The following ZNF521 variants were observed in gnomAD, a reference collection of about 807,000 sequenced individuals.
ZNF521 encodes zinc finger protein 521, also known as LYST-interacting protein 3.
Under a neutral mutation model 105.5 loss-of-function variants are expected in ZNF521, and 14 were observed. That is an observed-to-expected ratio of 0.13 (90% CI 0.09 to 0.21). The LOEUF is 0.21. Among genes scored for constraint, ZNF521 ranks in the 10% least tolerant of loss-of-function variants. The pLI is 1.00. For synonymous variants in ZNF521, 635 were observed against 606.0 expected, an observed-to-expected ratio of 1.05 and a Z score of -0.70; for missense variants, 1,233 against 1,629.7, an observed-to-expected ratio of 0.76 and a Z score of 4.19.
At chr18:25,116,902 T>TAC (rs1157129183) in intron 5 of ZNF521, among the ~76,000 whole-genome samples, 2 of 142,482 alleles carry the variant, frequency 1.4e-5, no homozygotes, top group Non-Finnish European at 3.0e-5. Flanking sequence ...TATATATATG[T>TAC]GTATATATAC....
intron 3 of ZNF521, among the ~76,000 whole-genome samples, chr18:25,251,598 C>T (rs1271639490): frequency 6.6e-6 from 1 of 152,134 alleles, no homozygotes; most frequent in Non-Finnish European, 1.5e-5. Context: ...CATCCATATA[C>T]AGAAATCATA....
chr18:25,234,987 TAAAC>T (rs1906788534), intron 3 of ZNF521, among the ~76,000 whole-genome samples: 1 of 152,056 alleles, frequency 6.6e-6, no homozygotes, highest in South Asian at 2.1e-4. Flanking sequence ...TAAATAAAAA[TAAAC>T]AAACAAAAAT....
rs548707470 is a variant in ZNF521 at position 25,200,180 on chromosome 18, AAAGGAGGTTTTCCATATAATT to A, written c.3574-4957_3574-4937del. ...ACAATTACATTTTAGGTGCATTTCAAAAGGAGGTTTTCCATATAATTAAGTAGTGCTTTGGTCTTTGACAAT... is the reference window on the plus strand; with the variant it reads ...ACAATTACATTTTAGGTGCATTTCAAAAGTAGTGCTTTGGTCTTTGACAAT... On this transcript the variant is annotated intron_variant, in intron 4 of 7. Transcript: ENST00000361524. Among the ~76,000 whole-genome samples, 100 of 152,250 alleles carry A rather than the reference AAAGGAGGTTTTCCATATAATT, an allele frequency of 6.6e-4. 3 individuals carry two copies. The South Asian group carries it at 0.02, about 31-fold the overall frequency.
chr18:25,089,599 G>C lies in ZNF521; in HGVS notation c.3791-19C>G, dbSNP rs767574197. 6.3e-7 allele frequency: 1 copy of C among 1,596,158 alleles called. No homozygotes were observed. Among genetic ancestry groups the C allele is most frequent in the Admixed American group, 1.7e-5 (1 of 59,994 alleles). On this transcript the variant is annotated intron_variant, in intron 6 of 7. Coordinates refer to ENST00000361524, the MANE Select transcript of ZNF521 (RefSeq NM_015461.3). ...ACAAATACTGAAATGATAAAAGAAT[G>C]ATGAACTTGGGTTATTTTGTTTCCG...
At chr18:25,114,100 T>C (rs1229618763) in intron 5 of ZNF521, among the ~76,000 whole-genome samples, 1 of 151,900 alleles carries the variant, frequency 6.6e-6, no homozygotes, top group Non-Finnish European at 1.5e-5. Context: ...CTGCTAGAAA[T>C]AGGCAAAAAT....
At chr18:25,156,933 C>T (rs941531529) in intron 5 of ZNF521, among the ~76,000 whole-genome samples, 14 of 152,088 alleles carry the variant, frequency 9.2e-5, no homozygotes, top group African/African-American at 3.4e-4. Flanking sequence ...GCAAAGGTGG[C>T]TCATGCTGTA....
intron 3 of ZNF521, among the ~76,000 whole-genome samples, chr18:25,230,035 TA>T (rs1479262705): frequency 6.6e-6 from 1 of 152,194 alleles, no homozygotes; most frequent in East Asian, 1.9e-4. Context: ...CTATATCTAT[TA>T]TATAACTGTT....
At chr18:25,169,084 T>A (rs1197945224) in intron 5 of ZNF521, among the ~76,000 whole-genome samples, 1 of 152,176 alleles carries the variant, frequency 6.6e-6, no homozygotes, top group Non-Finnish European at 1.5e-5. Context: ...ATGGACAGAA[T>A]ATATACTTTG....
chr18:25,244,026 C>A (rs1907531817), intron 3 of ZNF521, among the ~76,000 whole-genome samples: 2 of 152,124 alleles, frequency 1.3e-5, no homozygotes, highest in Admixed American at 6.5e-5. Flanking sequence ...TTACATGTGA[C>A]ACAGACAAAT....
intron 5 of ZNF521, among the ~76,000 whole-genome samples, chr18:25,107,035 T>C (rs1018016229): frequency 5.9e-5 from 9 of 152,174 alleles, no homozygotes; most frequent in African/African-American, 2.2e-4. Context: ...CCATGCGACA[T>C]GGTGGAGAGG....
intron 3 of ZNF521, among the ~76,000 whole-genome samples, chr18:25,233,762 T>C (rs948821248): frequency 1.3e-5 from 2 of 150,120 alleles, no homozygotes; most frequent in Non-Finnish European, 2.9e-5. Flanking sequence ...AACAAAGAGA[T>C]AAGGAGTTGT....
At chr18:25,101,767 A>G (rs1430779645) in intron 5 of ZNF521, among the ~76,000 whole-genome samples, 1 of 152,128 alleles carries the variant, frequency 6.6e-6, no homozygotes, top group Non-Finnish European at 1.5e-5. Flanking sequence ...TACAGATTTG[A>G]CCCATGTTCA....
At chr18:25,229,854 T>C (rs1026221534) in intron 3 of ZNF521, among the ~76,000 whole-genome samples, 2 of 152,224 alleles carry the variant, frequency 1.3e-5, no homozygotes, top group Admixed American at 6.5e-5. Context: ...GATGTAACTA[T>C]TGAGCTTGAA....
At chr18:25,270,788 G>A (rs1042498057) in intron 3 of ZNF521, among the ~76,000 whole-genome samples, 6 of 151,990 alleles carry the variant, frequency 3.9e-5, no homozygotes, top group Non-Finnish European at 7.4e-5. Flanking sequence ...AAAATAATAA[G>A]AGCTATTTAT....
rs892925446 is a variant in ZNF521, at chr18:25,103,780, G to A, written c.3659-11699C>T. Reference sequence around the variant, plus strand: ...GGAGTAAGGGAGGGAAGAAAGAAGGGTGAGAGGAAGGAAGGGAGGGAGGGA... The same window carrying A: ...GGAGTAAGGGAGGGAAGAAAGAAGGATGAGAGGAAGGAAGGGAGGGAGGGA... On this transcript the variant is annotated intron_variant, in intron 5 of 7. Transcript: ENST00000361524. Among the ~76,000 whole-genome samples the A allele has an allele frequency of 3.0e-4, 25 of 82,340 alleles. No homozygotes were observed. The Admixed American group carries it at 3.2e-3, about 10-fold the overall frequency. The allele number at this position is 82,340 out of a possible 152,430, so 54.0% of individuals were successfully genotyped here.
chr18:25,170,268 T>G (rs771897811), intron 5 of ZNF521, among the ~76,000 whole-genome samples: 1 of 152,078 alleles, frequency 6.6e-6, no homozygotes, highest in Non-Finnish European at 1.5e-5. Flanking sequence ...TCAGAAATAA[T>G]GATCAGATTG....
At chr18:25,328,778 T>A (rs1485333798) in intron 2 of ZNF521, among the ~76,000 whole-genome samples, 1 of 152,116 alleles carries the variant, frequency 6.6e-6, no homozygotes, top group Non-Finnish European at 1.5e-5. Context: ...GGTCTCGATC[T>A]TCTGACCTTG....
At chr18:25,122,016 T>C (rs898255002) in intron 5 of ZNF521, among the ~76,000 whole-genome samples, 8 of 152,008 alleles carry the variant, frequency 5.3e-5, no homozygotes, top group Admixed American at 5.2e-4. Flanking sequence ...AAATGACACA[T>C]GATAAAATTA....
At chr18:25,085,399 C>G (rs995921147) in intron 7 of ZNF521, among the ~76,000 whole-genome samples, 13 of 151,820 alleles carry the variant, frequency 8.6e-5, no homozygotes, top group African/African-American at 2.9e-4. Flanking sequence ...TTAAACGTTT[C>G]ATAGAAATAA....
Sources: allele counts gnomAD v4.1 joint callset (sites outside exome capture counted in the v4.1 genomes callset), GRCh38; gene constraint gnomAD v4.1.1; transcripts MANE v1.5; gene names NCBI Gene and HGNC (gene_info 2026-07-23, HGNC 2026-07-21).